Variants in ENTREP2 observed in about 807,000 individuals in gnomAD.
ENTREP2 encodes the protein endosomal transmembrane epsin interactor 2, also known as protein ENTREP2.
At chr15:29,491,014 C>T in the ENTREP2 span, among the ~76,000 whole-genome samples, 4 of 152,216 alleles carry the variant, frequency 2.6e-5, no homozygotes, top group Admixed American at 6.5e-5. Context: ...ATCCCCAGCC[C>T]TGACCCGTGG....
chr15:29,475,244 G>A, the ENTREP2 span, among the ~76,000 whole-genome samples: 1 of 152,048 alleles, frequency 6.6e-6, no homozygotes, highest in Non-Finnish European at 1.5e-5. Flanking sequence ...GAGACAGAAC[G>A]CTGAGAGAGT....
the ENTREP2 span, among the ~76,000 whole-genome samples, chr15:29,642,456 A>T: frequency 1.3e-5 from 2 of 148,778 alleles, no homozygotes; most frequent in Non-Finnish European, 3.0e-5. Context: ...ATATATACAC[A>T]CACACATATA....
chr15:29,263,145 A>G, the ENTREP2 span, among the ~76,000 whole-genome samples: 1 of 152,236 alleles, frequency 6.6e-6, no homozygotes, highest in Non-Finnish European at 1.5e-5. Flanking sequence ...AGTGACCAAA[A>G]CCAATTTCAA....
chr15:29,214,190 T>A, the ENTREP2 span, among the ~76,000 whole-genome samples: 1 of 152,184 alleles, frequency 6.6e-6, no homozygotes, highest in African/African-American at 2.4e-5. Flanking sequence ...CATTACTGGG[T>A]ATATACCCAA....
At chr15:29,351,634 T>C in the ENTREP2 span, among the ~76,000 whole-genome samples, 1 of 152,182 alleles carries the variant, frequency 6.6e-6, no homozygotes, top group African/African-American at 2.4e-5. Flanking sequence ...CTATTTCATA[T>C]GAAATTTATT....
the ENTREP2 span, among the ~76,000 whole-genome samples, chr15:29,260,302 C>G: frequency 6.6e-6 from 1 of 152,166 alleles, no homozygotes; most frequent in East Asian, 1.9e-4. Context: ...ACTAACATCA[C>G]TTATGAATAT....
chr15:29,260,103 A>C, the ENTREP2 span, among the ~76,000 whole-genome samples: 2 of 152,162 alleles, frequency 1.3e-5, no homozygotes, highest in African/African-American at 4.8e-5. Flanking sequence ...AATCCTCCCA[A>C]CAAAGAAACG....
the ENTREP2 span, among the ~76,000 whole-genome samples, chr15:29,576,552 G>T: frequency 6.6e-6 from 1 of 152,158 alleles, no homozygotes; most frequent in Non-Finnish European, 1.5e-5. Flanking sequence ...AACATGGAAA[G>T]AAATATATGC....
chr15:29,657,342 C>CTCTCAAAGACGGCAGTGTTACAGT, the ENTREP2 span, among the ~76,000 whole-genome samples: 1 of 147,106 alleles, frequency 6.8e-6, no homozygotes, highest in Non-Finnish European at 1.5e-5. Flanking sequence ...AGTGTTACAG[C>CTCTCAAAGACGGCAGTGTTACAGT]TCTCAAAGAC....
the ENTREP2 span, among the ~76,000 whole-genome samples, chr15:29,643,695 G>A: frequency 6.6e-6 from 1 of 151,054 alleles, no homozygotes; most frequent in African/African-American, 2.4e-5. Flanking sequence ...GCAGGAGAAT[G>A]ATGGGAACCT....
chr15:29,188,338 G>GCA, the ENTREP2 span, among the ~76,000 whole-genome samples: 1 of 152,040 alleles, frequency 6.6e-6, no homozygotes, highest in South Asian at 2.1e-4. Context: ...GTGGTTTGCT[G>GCA]CACCCATCAA....
the ENTREP2 span, among the ~76,000 whole-genome samples, chr15:29,621,569 C>T: frequency 7.8e-6 from 1 of 127,474 alleles, no homozygotes; most frequent in African/African-American, 3.1e-5. Context: ...GCAGCTCGCA[C>T]CATTAGGATG....
At chr15:29,657,193 G>A in the ENTREP2 span, among the ~76,000 whole-genome samples, 127 of 150,154 alleles carry the variant, frequency 8.5e-4, 1 homozygote, top group African/African-American at 2.5e-3. Context: ...GACTACACGC[G>A]CCCACCACCA....
the ENTREP2 span, among the ~76,000 whole-genome samples, chr15:29,219,068 G>A: frequency 6.6e-6 from 1 of 151,058 alleles, no homozygotes; most frequent in African/African-American, 2.4e-5. Flanking sequence ...ATCTGACAAA[G>A]AACTAATTTC....
the ENTREP2 span, among the ~76,000 whole-genome samples, chr15:29,312,240 C>A: frequency 6.6e-6 from 1 of 151,602 alleles, no homozygotes; most frequent in Middle Eastern, 3.4e-3. Context: ...AAATAACATT[C>A]ATGAAAGAAG....
the ENTREP2 span, among the ~76,000 whole-genome samples, chr15:29,307,418 G>C: frequency 6.6e-6 from 1 of 152,326 alleles, no homozygotes; most frequent in Non-Finnish European, 1.5e-5. Context: ...GTTTAAGGTA[G>C]ATCAGGCATT....
chr15:29,473,959 A>G, the ENTREP2 span, among the ~76,000 whole-genome samples: 2 of 152,188 alleles, frequency 1.3e-5, no homozygotes, highest in Non-Finnish European at 2.9e-5. Context: ...TCCCACATCA[A>G]GCTGGGCCTC....
At chr15:29,192,157 C>T in the ENTREP2 span, among the ~76,000 whole-genome samples, 2 of 152,154 alleles carry the variant, frequency 1.3e-5, no homozygotes, top group Non-Finnish European at 2.9e-5. Flanking sequence ...GAAGTACAAT[C>T]TTACCATGTA....
chr15:29,590,408 C>T, the ENTREP2 span, among the ~76,000 whole-genome samples: 33 of 152,224 alleles, frequency 2.2e-4, no homozygotes, highest in African/African-American at 7.5e-4. Flanking sequence ...CAAGGCCAGG[C>T]GCGGTGGCTC....
Sources: gnomAD v4.1 joint callset for allele counts (sites outside exome capture counted in the v4.1 genomes callset) on GRCh38, gnomAD v4.1.1 for gene constraint, MANE v1.5 for transcripts, NCBI Gene and HGNC (gene_info 2026-07-23, HGNC 2026-07-21) for gene names.